EFHB: variants seen among roughly 807,000 people sequenced by gnomAD.
EFHB encodes the protein EF-hand domain-containing family member B.
EFHB carries 91 observed loss-of-function variants against 87.2 expected under a neutral mutation model. The ratio of observed to expected loss-of-function variants is 1.04; its 90% CI spans 0.88 to 1.24. The LOEUF (loss-of-function observed/expected upper bound fraction) is 1.24. Among genes scored for constraint, EFHB ranks in the 50% most tolerant of loss-of-function variants. The pLI is 0.00. For missense variants in EFHB, 1,084 were observed against 998.8 expected, an observed-to-expected ratio of 1.09 and a Z score of -1.15; for synonymous variants, 325 against 333.6, an observed-to-expected ratio of 0.97 and a Z score of 0.28.
chr3:19,946,831 G>GGAATTTCCCCC (rs1292712786), intron 1 of EFHB: 1 of 152,304 alleles, frequency 6.6e-6, no homozygotes, highest in Non-Finnish European at 1.5e-5. Flanking sequence ...GAATAGTAAA[G>GGAATTTCCCCC]GAATTTCCCC....
In EFHB at chr3:19,939,571, C is replaced by T. The variant is rs1008781673; in HGVS notation, c.-31-3237G>A. Among the ~76,000 whole-genome samples, 9 of 151,252 alleles carry T rather than the reference C, an allele frequency of 6.0e-5. No individual in the cohort carries two copies. The East Asian group carries it at 9.8e-4, about 16-fold the overall frequency. On this transcript the variant is annotated intron_variant, in intron 1 of 14. Transcript: ENST00000344838. ...GGCTAATTTTTTGTATTTTTAGTAG[C>T]GATGGGGTTTCACCGTGTTAGCCAG...
chr3:19,886,281 C>T (rs977161471), intron 10 of EFHB, among the ~76,000 whole-genome samples: 1 of 152,046 alleles, frequency 6.6e-6, no homozygotes, highest in Non-Finnish European at 1.5e-5. Context: ...CATAAGGGCT[C>T]GCATCATCAA....
intron 10 of EFHB, among the ~76,000 whole-genome samples, chr3:19,887,704 T>C (rs940271686): frequency 1.3e-5 from 2 of 152,176 alleles, no homozygotes; most frequent in African/African-American, 4.8e-5. Flanking sequence ...GTTTACAAAT[T>C]TGTGTTGGGC....
At chr3:19,891,116 G>T (rs1694292153) in intron 9 of EFHB, among the ~76,000 whole-genome samples, 1 of 152,116 alleles carries the variant, frequency 6.6e-6, no homozygotes, top group Admixed American at 6.5e-5. Context: ...GTGCAGGCTG[G>T]AATGCAGTGG....
chr3:19,902,218 G>T (rs75950297), intron 6 of EFHB, among the ~76,000 whole-genome samples: 2 of 152,092 alleles, frequency 1.3e-5, no homozygotes, highest in Non-Finnish European at 2.9e-5. Flanking sequence ...TCACACATGC[G>T]CACAAACACA....
At chr3:19,923,772 A>G (rs1303702429) in intron 1 of EFHB, among the ~76,000 whole-genome samples, 1 of 152,232 alleles carries the variant, frequency 6.6e-6, no homozygotes, top group Non-Finnish European at 1.5e-5. Flanking sequence ...GGAATAGGAA[A>G]ATGTAAATAA....
intron 9 of EFHB, among the ~76,000 whole-genome samples, chr3:19,890,034 C>T (rs1392957433): frequency 6.6e-6 from 1 of 152,150 alleles, no homozygotes; most frequent in East Asian, 1.9e-4. Flanking sequence ...CAAACCCACA[C>T]TCATCCTAGC....
At chr3:19,909,498 T>G (rs1024815144) in intron 5 of EFHB, among the ~76,000 whole-genome samples, 1 of 152,202 alleles carries the variant, frequency 6.6e-6, no homozygotes, top group African/African-American at 2.4e-5. Flanking sequence ...CCATAAGGAC[T>G]GGAACTCTTA....
upstream of EFHB, among the ~76,000 whole-genome samples, chr3:19,935,115 T>C (rs1037878499): frequency 6.6e-6 from 1 of 152,146 alleles, no homozygotes; most frequent in Non-Finnish European, 1.5e-5. Context: ...TTCACCATGT[T>C]GGCCAGGCTG....
intron 1 of EFHB, among the ~76,000 whole-genome samples, chr3:19,927,978 AGT>A (rs1322527312): frequency 3.3e-5 from 5 of 149,324 alleles, no homozygotes; most frequent in Non-Finnish European, 5.9e-5. Flanking sequence ...TAAATAATAT[AGT>A]AGCTAATACT....
intron 10 of EFHB, among the ~76,000 whole-genome samples, chr3:19,886,748 A>G (rs1052223628): frequency 3.3e-5 from 5 of 151,842 alleles, no homozygotes; most frequent in Admixed American, 1.3e-4. Flanking sequence ...AAGTACAACA[A>G]TGTAAGAATT....
chr3:19,933,151 A>T, intron 1 of EFHB, 79 bp downstream of exon 1: 1 of 1,454,966 alleles, frequency 6.9e-7, no homozygotes, highest in Non-Finnish European at 9.1e-7. Context: ...AAACCAAAAC[A>T]AATTTTATCA....
chr3:19,943,082 C>A, intron 1 of EFHB: 1 of 277,558 alleles, frequency 3.6e-6, no homozygotes, highest in South Asian at 4.7e-5. Flanking sequence ...ATAATCAAGT[C>A]TGTGTCCAAT....
At chr3:19,884,654 C>T (rs771375240) in intron 10 of EFHB, 39 bp from the exon 11 acceptor site, 12 of 1,576,052 alleles carry the variant, frequency 7.6e-6, no homozygotes, top group Non-Finnish European at 1.0e-5. Context: ...TGCAGGAATA[C>T]ATTACTACTT....
rs145283469 is a variant in EFHB at position 19,919,853 on chromosome 3, T to G, written c.976A>C (p.Arg326=). The G allele has an allele frequency of 8.1e-5, 130 of 1,613,168 alleles. No individual in the cohort carries two copies. The highest frequency in any genetic ancestry group is 1.1e-4 in the Non-Finnish European group (124 of 1,179,404). The part of the protein sequence containing the change: ...QIAPYLTHGI[R]SKISVLANTL... ...CTTACCAGTACTGAAATTTTAGATCTAATTCCATGTGTCAAATAAGGTGCA... is the reference window on the plus strand; with the variant it reads ...CTTACCAGTACTGAAATTTTAGATCGAATTCCATGTGTCAAATAAGGTGCA... Residue 326 remains arginine (R), a synonymous_variant, in exon 3 of 13, where the codon AGA becomes CGA. Coordinates refer to ENST00000295824, the MANE Select transcript of EFHB (RefSeq NM_144715.4).
At chr3:19,892,584 G>T (rs989564901) in intron 9 of EFHB, among the ~76,000 whole-genome samples, 1 of 152,146 alleles carries the variant, frequency 6.6e-6, no homozygotes, top group African/African-American at 2.4e-5. Flanking sequence ...GCATAAAAAG[G>T]ATTCTAGGAG....
At position 19,915,475 on chromosome 3, in the gene EFHB, A is replaced by G. The variant is rs965359828; in HGVS notation, c.1178-62T>C. On this transcript the variant is annotated intron_variant, in intron 4 of 12. Coordinates refer to ENST00000295824, the MANE Select transcript of EFHB (RefSeq NM_144715.4). ...TTTTTAACCTATTTATAATACGTTT[A>G]TATTGACTAGAACAAATGAGAAATT... is the stretch of plus-strand genomic sequence containing the variant. 3.7e-6 allele frequency: 4 copies of G among 1,073,698 alleles called. No homozygotes were observed. The African/African-American group carries it at 4.7e-5, about 13-fold the overall frequency. 66.5% of individuals were successfully genotyped at this position (1,073,698 alleles called of 1,614,324 possible).
At position 19,934,186 on chromosome 3, in the gene EFHB, T is replaced by A; in HGVS notation, c.-168A>T. 6.9e-7 allele frequency: 1 copy of A among 1,440,090 alleles called. No individual in the cohort carries two copies. Among genetic ancestry groups the A allele is most frequent in the Non-Finnish European group, 9.1e-7 (1 of 1,104,908 alleles). 89.2% of individuals were successfully genotyped at this position (1,440,090 alleles called of 1,614,324 possible). On this transcript the variant is annotated 5_prime_UTR_variant, in exon 1 of 13. Coordinates refer to ENST00000295824, the MANE Select transcript of EFHB (RefSeq NM_144715.4). The stretch of plus-strand genomic sequence containing the variant: ...TGCTTCCTGCCTGCCTCTTAACACC[T>A]AGCCGAGTTCACAGAGGAAAAGATG...
rs57635959 is a variant in EFHB at position 19,880,748 on chromosome 3, C to G, written c.2329-944G>C. ...TGATAATTATTAAAACAGATGAAGGCGGGGAAAAACATGCTTCTTATGTCT... is the reference window on the plus strand; with the variant it reads ...TGATAATTATTAAAACAGATGAAGGGGGGGAAAAACATGCTTCTTATGTCT... On this transcript the variant is annotated intron_variant, in intron 12 of 12. Coordinates refer to ENST00000295824, the MANE Select transcript of EFHB (RefSeq NM_144715.4). Among the ~76,000 whole-genome samples the G allele has an allele frequency of 6.6e-5, 10 of 151,364 alleles. No homozygotes were observed. The East Asian group carries it at 1.9e-3, about 29-fold the overall frequency.
Sources: allele counts gnomAD v4.1 joint callset (sites outside exome capture counted in the v4.1 genomes callset), GRCh38; gene constraint gnomAD v4.1.1; transcripts MANE v1.5; gene names NCBI Gene and HGNC (gene_info 2026-07-23, HGNC 2026-07-21).